The following MTHFD2L variants were observed in gnomAD, a reference collection of about 807,000 sequenced individuals.
MTHFD2L encodes the protein methylenetetrahydrofolate dehydrogenase (NADP+ dependent) 2 like.
MTHFD2L carries 29 observed loss-of-function variants against 34.9 expected under a neutral mutation model. The ratio of observed to expected loss-of-function variants is 0.83; its 90% CI spans 0.62 to 1.13. The LOEUF is 1.13. Ranked by LOEUF, MTHFD2L falls within the 50% of genes most tolerant of loss-of-function variation. The pLI is 0.00. For missense variants in MTHFD2L, 481 were observed against 446.5 expected (o/e 1.08, Z -0.70); for synonymous variants, 167 against 155.7 (o/e 1.07, Z -0.54).
chr4:74,302,995 C>T lies in MTHFD2L; in HGVS notation c.*1186C>T, dbSNP rs537731375. The T allele has an allele frequency of 3.9e-5, 6 of 152,026 alleles. No homozygotes were observed. Among genetic ancestry groups the T allele is most frequent in the South Asian group, 2.1e-4 (1 of 4,828 alleles). 9.4% of individuals were successfully genotyped at this position (152,026 alleles called of 1,614,324 possible). On this transcript the variant is annotated 3_prime_UTR_variant, in exon 8 of 8. Coordinates refer to ENST00000325278, the MANE Select transcript of MTHFD2L (RefSeq NM_001144978.3). ...TGTACCAATAATGACTCTTACCCAG[C>T]GCATGTCTTTATCAGTGTGTACTCG...
Position 74,228,082 on chromosome 4 carries a change from C to T in MTHFD2L, c.805+2688C>T, listed in dbSNP as rs542104102. ...CAGAAAAAAAATCAGTAAGCTGGTA[C>T]AGATAACCATACCACATTGCCTGTT... On this transcript the variant is annotated intron_variant, in intron 6 of 7. Coordinates refer to ENST00000325278, the MANE Select transcript of MTHFD2L (RefSeq NM_001144978.3). Among the ~76,000 whole-genome samples, 55 of 152,180 alleles carry T rather than the reference C, an allele frequency of 3.6e-4. 1 individual carries two copies. In the South Asian group the frequency reaches 0.011, roughly 31 times the overall value.
chr4:74,269,171 T>C (rs559410442), intron 6 of MTHFD2L, among the ~76,000 whole-genome samples: 1 of 152,320 alleles, frequency 6.6e-6, no homozygotes, highest in East Asian at 1.9e-4. Flanking sequence ...TTTACTCTAA[T>C]ATTATCATCT....
chr4:74,176,866 A>G (rs1251916227), intron 3 of MTHFD2L, among the ~76,000 whole-genome samples: 1 of 151,974 alleles, frequency 6.6e-6, no homozygotes, highest in African/African-American at 2.4e-5. Context: ...CAAAAAGTAA[A>G]GCTATATAAT....
chr4:74,248,359 A>G (rs1742792898), intron 6 of MTHFD2L, among the ~76,000 whole-genome samples: 1 of 151,858 alleles, frequency 6.6e-6, no homozygotes, highest in African/African-American at 2.4e-5. Flanking sequence ...CGTCTATTTG[A>G]TTCTTCTCTC....
At chr4:74,141,851 T>G (rs1422490952) in intron 1 of MTHFD2L, among the ~76,000 whole-genome samples, 2 of 152,212 alleles carry the variant, frequency 1.3e-5, no homozygotes, top group Non-Finnish European at 2.9e-5. Context: ...AGTTGTTTTA[T>G]GGGATTATCC....
At chr4:74,211,563 A>G (rs1281180672) in intron 5 of MTHFD2L, among the ~76,000 whole-genome samples, 3 of 152,128 alleles carry the variant, frequency 2.0e-5, no homozygotes, top group Admixed American at 6.5e-5. Context: ...AAGCTTTTTC[A>G]TGTGCTGCTG....
intron 5 of MTHFD2L, among the ~76,000 whole-genome samples, chr4:74,212,646 G>A (rs1292709988): frequency 2.0e-5 from 3 of 152,138 alleles, no homozygotes; most frequent in Non-Finnish European, 2.9e-5. Context: ...AGTGTGATGT[G>A]GTGTCGAGAA....
intron 3 of MTHFD2L, among the ~76,000 whole-genome samples, chr4:74,180,286 G>A (rs1729880950): frequency 6.6e-6 from 1 of 152,066 alleles, no homozygotes; most frequent in African/African-American, 2.4e-5. Flanking sequence ...CTGTATAGAA[G>A]TAGATGAATA....
chr4:74,267,547 T>C, intron 6 of MTHFD2L: 1 of 238,748 alleles, frequency 4.2e-6, no homozygotes. Flanking sequence ...CCCTCCCAAG[T>C]AGCTGGGACC....
chr4:74,249,701 G>T (rs1282158867), intron 6 of MTHFD2L, among the ~76,000 whole-genome samples: 2 of 152,100 alleles, frequency 1.3e-5, no homozygotes, highest in Non-Finnish European at 2.9e-5. Flanking sequence ...CTCAGCACTT[G>T]CTTGTCTGTA....
At chr4:74,301,207 A>G (rs963423120) in intron 7 of MTHFD2L, among the ~76,000 whole-genome samples, 3 of 152,110 alleles carry the variant, frequency 2.0e-5, no homozygotes, top group Admixed American at 1.3e-4. Flanking sequence ...TCATAATTCA[A>G]GTATATTTAG....
intron 2 of MTHFD2L, 123 bp downstream of exon 2, chr4:74,174,813 AG>A: frequency 1.5e-6 from 1 of 668,330 alleles, no homozygotes; most frequent in Non-Finnish European, 2.3e-6. Flanking sequence ...TTATTATTAA[AG>A]ATTATTCAGT....
chr4:74,189,470 G>A (rs1732046325), intron 3 of MTHFD2L, among the ~76,000 whole-genome samples: 1 of 126,684 alleles, frequency 7.9e-6, no homozygotes, highest in Non-Finnish European at 1.5e-5. Context: ...CATTGAGCAA[G>A]CAGTGTTTTT....
At chr4:74,154,124 T>C (rs1306083226), upstream of MTHFD2L, among the ~76,000 whole-genome samples, 1 of 152,158 alleles carries the variant, frequency 6.6e-6, no homozygotes, top group East Asian at 1.9e-4. Context: ...TCTGTTGGGA[T>C]TTAATTGTTT....
chr4:74,290,619 A>G (rs2110305159), intron 7 of MTHFD2L, among the ~76,000 whole-genome samples: 1 of 152,200 alleles, frequency 6.6e-6, no homozygotes, highest in South Asian at 2.1e-4. Context: ...TGAATTGCCA[A>G]GCATAATGCC....
chr4:74,268,591 T>G (rs1300626916), intron 6 of MTHFD2L, among the ~76,000 whole-genome samples: 1 of 152,228 alleles, frequency 6.6e-6, no homozygotes, highest in Non-Finnish European at 1.5e-5. Flanking sequence ...TCCTTTGAAC[T>G]CTACTAATTA....
chr4:74,281,324 C>CGTGTGTGTGTGTGTGTGT lies in MTHFD2L; in HGVS notation c.806-92_806-75dup, dbSNP rs3832298. The CGTGTGTGTGTGTGTGTGT allele has an allele frequency of 0.01, 8,994 of 867,224 alleles. 504 individuals carry two copies. The African/African-American group carries it at 0.14, about 13-fold the overall frequency. 53.7% of individuals were successfully genotyped at this position (867,224 alleles called of 1,614,324 possible). ...TTTAAGGAACAATGTATTACACATA[C>CGTGTGTGTGTGTGTGTGT]GTGTGTGTGTGTGTGTGTGTGTGTG... On this transcript the variant is annotated intron_variant, in intron 6 of 7. Coordinates refer to ENST00000325278, the MANE Select transcript of MTHFD2L (RefSeq NM_001144978.3).
chr4:74,286,502 C>T (rs1748192929), intron 7 of MTHFD2L, among the ~76,000 whole-genome samples: 1 of 152,094 alleles, frequency 6.6e-6, no homozygotes, highest in Non-Finnish European at 1.5e-5. Context: ...TAGTAAATAG[C>T]TTCTTGTAAA....
At chr4:74,179,990 G>A (rs1729808425) in intron 3 of MTHFD2L, among the ~76,000 whole-genome samples, 1 of 152,028 alleles carries the variant, frequency 6.6e-6, no homozygotes, top group South Asian at 2.1e-4. Context: ...GTTCTTGAGA[G>A]TCTTTCCAGA....
Sources: gnomAD v4.1 joint callset for allele counts (sites outside exome capture counted in the v4.1 genomes callset) on GRCh38, gnomAD v4.1.1 for gene constraint, MANE v1.5 for transcripts, NCBI Gene and HGNC (gene_info 2026-07-23, HGNC 2026-07-21) for gene names.